Variants in RGS17 observed in about 807,000 individuals in gnomAD.
RGS17 encodes the protein regulator of G-protein signaling 17.
A neutral mutation model predicts 25.5 loss-of-function variants in RGS17; 12 were observed. The observed-to-expected ratio is 0.47, with a 90% CI of 0.30 to 0.76. The LOEUF is 0.76. Among genes scored for constraint, RGS17 ranks in the 30% least tolerant of loss-of-function variants. The pLI is 0.07. For missense variants in RGS17, 196 were observed against 242.2 expected (o/e 0.81, Z 1.27); for synonymous variants, 71 against 76.9 (o/e 0.92, Z 0.40).
chr6:153,072,169 C>A (rs1776813470), intron 1 of RGS17, among the ~76,000 whole-genome samples: 1 of 152,016 alleles, frequency 6.6e-6, no homozygotes, highest in Non-Finnish European at 1.5e-5. Context: ...CATGAAGAAG[C>A]AGAAATATTA....
intron 4 of RGS17, among the ~76,000 whole-genome samples, chr6:153,020,707 T>C (rs1489755869): frequency 2.0e-5 from 3 of 152,216 alleles, no homozygotes; most frequent in African/African-American, 7.2e-5. Flanking sequence ...AGTAAAATCA[T>C]GACAATTTTT....
At chr6:153,121,437 T>C (rs1054135393) in intron 1 of RGS17, among the ~76,000 whole-genome samples, 7 of 152,178 alleles carry the variant, frequency 4.6e-5, no homozygotes, top group Admixed American at 3.3e-4. Context: ...TTGATTTTGG[T>C]TGCAATCAGC....
At chr6:153,017,117 A>G (rs1463833241) in intron 4 of RGS17, among the ~76,000 whole-genome samples, 2 of 152,234 alleles carry the variant, frequency 1.3e-5, no homozygotes, top group African/African-American at 4.8e-5. Flanking sequence ...CATTCCAGCA[A>G]TAACAGAATT....
intron 1 of RGS17, 115 bp from the exon 2 acceptor site, chr6:153,044,158 A>T: frequency 1.6e-6 from 1 of 644,702 alleles, no homozygotes; most frequent in Non-Finnish European, 2.7e-6. Flanking sequence ...AGAAAAGGTA[A>T]AATAAGGAAA....
intron 1 of RGS17, among the ~76,000 whole-genome samples, chr6:153,058,974 C>T (rs1776600361): frequency 6.6e-6 from 1 of 151,130 alleles, no homozygotes; most frequent in Non-Finnish European, 1.5e-5. Flanking sequence ...ATTCTTTGTG[C>T]ATTCAGAGTG....
At chr6:153,126,259 T>C (rs533301466) in intron 1 of RGS17, among the ~76,000 whole-genome samples, 12 of 152,216 alleles carry the variant, frequency 7.9e-5, no homozygotes, top group Non-Finnish European at 1.2e-4. Context: ...CATTGGCAAC[T>C]GGCAGAAACA....
At chr6:153,115,648 G>A (rs1777533477) in intron 1 of RGS17, among the ~76,000 whole-genome samples, 1 of 152,116 alleles carries the variant, frequency 6.6e-6, no homozygotes, top group Non-Finnish European at 1.5e-5. Context: ...CAAAGCTGGA[G>A]GCATCACACT....
chr6:153,058,936 T>C (rs542063767), intron 1 of RGS17, among the ~76,000 whole-genome samples: 1 of 152,098 alleles, frequency 6.6e-6, no homozygotes, highest in South Asian at 2.1e-4. Context: ...TATGATTATA[T>C]TAAAATGATC....
chr6:153,074,961 T>C (rs1451602750), intron 1 of RGS17, among the ~76,000 whole-genome samples: 2 of 152,154 alleles, frequency 1.3e-5, no homozygotes, highest in African/African-American at 4.8e-5. Flanking sequence ...TTTAGTGCAG[T>C]TCAGCATGAA....
intron 1 of RGS17, among the ~76,000 whole-genome samples, chr6:153,076,120 C>G (rs1304187088): frequency 6.6e-6 from 1 of 152,020 alleles, no homozygotes; most frequent in Non-Finnish European, 1.5e-5. Context: ...GTTAATATAA[C>G]TATACATGGA....
In RGS17 at chr6:153,026,508, G is replaced by C; in HGVS notation, c.155C>G (p.Ala52Gly). ...TVRNEERGEN[A>G]GRPTHTTKME... ...TTTTGTAGTGTGTGTGGGTCTTCCC[G>C]CATTTTCCCCTCTTTCTTCATTCCT... Residue 52 changes from alanine (A) to glycine (G), a missense_variant, in exon 3 of 5, where the codon GCG becomes GGG. By Grantham distance (60) the Ala-to-Gly change is moderately conservative (BLOSUM62 0). This residue lies in a region of RGS17 where 179 missense variants were observed against 197.6 expected (regional missense o/e 0.91). Transcript: ENST00000206262. The C allele has an allele frequency of 6.8e-6, 11 of 1,613,176 alleles. No individual in the cohort carries two copies. The highest frequency in any genetic ancestry group is 9.3e-6 in the Non-Finnish European group (11 of 1,179,418).
chr6:153,014,404 G>T (rs903911005), intron 4 of RGS17, among the ~76,000 whole-genome samples: 1 of 152,188 alleles, frequency 6.6e-6, no homozygotes, highest in African/African-American at 2.4e-5. Flanking sequence ...TGATGAAGAT[G>T]CACGAGGAAA....
chr6:153,101,186 G>A (rs1777298398), intron 1 of RGS17, among the ~76,000 whole-genome samples: 1 of 152,218 alleles, frequency 6.6e-6, no homozygotes, highest in Non-Finnish European at 1.5e-5. Context: ...CAAAGACTAT[G>A]AATACTCTAT....
intron 1 of RGS17, among the ~76,000 whole-genome samples, chr6:153,121,285 CCTCT>C (rs541533879): frequency 6.6e-6 from 1 of 152,134 alleles, no homozygotes; most frequent in Admixed American, 6.5e-5. Flanking sequence ...TTTGTTGCTG[CCTCT>C]CTCTAACATA....
intron 1 of RGS17, among the ~76,000 whole-genome samples, chr6:153,074,984 C>T (rs1184446868): frequency 6.6e-6 from 1 of 152,152 alleles, no homozygotes; most frequent in Non-Finnish European, 1.5e-5. Flanking sequence ...CCTGCACTGC[C>T]CTCCCCGGAT....
intron 1 of RGS17, among the ~76,000 whole-genome samples, chr6:153,066,437 T>C (rs893155540): frequency 6.6e-6 from 1 of 152,018 alleles, no homozygotes; most frequent in Non-Finnish European, 1.5e-5. Flanking sequence ...GAAGAACCAA[T>C]AACAATCCTA....
intron 1 of RGS17, among the ~76,000 whole-genome samples, chr6:153,124,622 T>C (rs1307282217): frequency 6.6e-6 from 1 of 152,218 alleles, no homozygotes; most frequent in Non-Finnish European, 1.5e-5. Flanking sequence ...CAGATAATGA[T>C]ACTAAGGCTC....
At chr6:153,019,271 TTCTACCTAACTGGA>T (rs1779215085) in intron 4 of RGS17, among the ~76,000 whole-genome samples, 1 of 152,220 alleles carries the variant, frequency 6.6e-6, no homozygotes, top group African/African-American at 2.4e-5. Context: ...CTAGGCAGAT[TTCTACCTAACTGGA>T]CCATGGTTTT....
At chr6:153,069,724 T>C (rs909625846) in intron 1 of RGS17, among the ~76,000 whole-genome samples, 12 of 140,824 alleles carry the variant, frequency 8.5e-5, no homozygotes, top group Non-Finnish European at 1.8e-4. Context: ...ATGTACCCCA[T>C]ACATATATAC....
Sources: allele counts gnomAD v4.1 joint callset (sites outside exome capture counted in the v4.1 genomes callset), GRCh38; gene constraint gnomAD v4.1.1; regional missense constraint gnomAD v4.1.1; transcripts MANE v1.5; gene names NCBI Gene and HGNC (gene_info 2026-07-23, HGNC 2026-07-21).